The following ADGRL3 variants were observed in gnomAD, a reference collection of about 807,000 sequenced individuals.
The protein encoded by ADGRL3 is calcium-independent alpha-latrotoxin receptor 3.
ADGRL3 carries 62 observed loss-of-function variants against 153.5 expected under a neutral mutation model. The ratio of observed to expected loss-of-function variants is 0.40; its 90% CI spans 0.33 to 0.50. ADGRL3 has a LOEUF of 0.50. Among genes scored for constraint, ADGRL3 ranks in the 20% least tolerant of loss-of-function variants. ADGRL3 has a pLI of 0.47. For synonymous variants in ADGRL3, 710 were observed against 672.5 expected, an observed-to-expected ratio of 1.06 and a Z score of -0.86; for missense variants, 1,641 against 1,859.4, an observed-to-expected ratio of 0.88 and a Z score of 2.16.
rs529553127 is a variant in ADGRL3, at chr4:61,299,230, A to T, written c.-239-83894A>T. Among the ~76,000 whole-genome samples the T allele has an allele frequency of 5.3e-5, 8 of 152,168 alleles. No homozygotes were observed. The South Asian group carries it at 1.5e-3, about 28-fold the overall frequency. On this transcript the variant is annotated intron_variant, in intron 1 of 26. Transcript: ENST00000683033. ...TCAGAACATTGAAATAACACTTCAC[A>T]TATCACAAGCAAAGCATAAGTACAA...
chr4:61,617,391 C>T (rs1219964272), intron 5 of ADGRL3, among the ~76,000 whole-genome samples: 2 of 152,048 alleles, frequency 1.3e-5, no homozygotes, highest in Admixed American at 1.3e-4. Flanking sequence ...CTTCACTGTA[C>T]CTTTTTTGCA....
At chr4:61,208,742 A>G (rs548823786) in intron 1 of ADGRL3, among the ~76,000 whole-genome samples, 19 of 152,250 alleles carry the variant, frequency 1.2e-4, no homozygotes, top group African/African-American at 3.9e-4. Context: ...CTAGATTTCA[A>G]AGACCCCAAT....
intron 2 of ADGRL3, among the ~76,000 whole-genome samples, chr4:61,424,392 C>T (rs1025960616): frequency 3.3e-5 from 5 of 152,086 alleles, no homozygotes; most frequent in Admixed American, 6.5e-5. Flanking sequence ...CTTGCCCACA[C>T]GGTGGCACCC....
chr4:61,901,441 T>C (rs1289597591), intron 11 of ADGRL3, among the ~76,000 whole-genome samples: 1 of 152,230 alleles, frequency 6.6e-6, no homozygotes, highest in African/African-American at 2.4e-5. Context: ...AAATTCCCCA[T>C]TTTATCTTCC....
At chr4:62,012,322 G>T (rs1158005577) in intron 21 of ADGRL3, among the ~76,000 whole-genome samples, 1 of 152,108 alleles carries the variant, frequency 6.6e-6, no homozygotes, top group Non-Finnish European at 1.5e-5. Flanking sequence ...ACATCAACTT[G>T]AATTTTAAAT....
At chr4:61,932,558 G>A (rs1351568897) in intron 13 of ADGRL3, among the ~76,000 whole-genome samples, 1 of 152,042 alleles carries the variant, frequency 6.6e-6, no homozygotes, top group African/African-American at 2.4e-5. Context: ...TTTCTTAAAT[G>A]CTGTTGGATT....
At chr4:62,007,456 ACATATATGTGTGTG>A (rs2099165422) in intron 21 of ADGRL3, among the ~76,000 whole-genome samples, 1 of 132,764 alleles carries the variant, frequency 7.5e-6, no homozygotes, top group African/African-American at 3.0e-5. Context: ...ACATATATAT[ACATATATGTGTGTG>A]TATATATATA....
At chr4:61,418,433 CAAT>C (rs2097168457) in intron 2 of ADGRL3, among the ~76,000 whole-genome samples, 3 of 142,812 alleles carry the variant, frequency 2.1e-5, no homozygotes, top group East Asian at 3.1e-4. Flanking sequence ...TTTGTCTTCA[CAAT>C]GGCAGCAAAT....
At position 61,732,680 on chromosome 4, in the gene ADGRL3, G is replaced by A. The variant is rs1054391449; in HGVS notation, c.599-74G>A. The A allele has an allele frequency of 1.0e-5, 8 of 768,478 alleles. No individual in the cohort carries two copies. In the Admixed American group the frequency reaches 1.4e-4, roughly 13 times the overall value. 47.6% of individuals were successfully genotyped at this position (768,478 alleles called of 1,614,324 possible). A position where few individuals can be genotyped will look rare whatever the true frequency, so the allele number is the denominator to read the frequency against. ...CTCTTGTTAGAGTTGCATTCCATTT[G>A]GTGAAAAATAAGACTATATAACAAA... is the stretch of plus-strand genomic sequence containing the variant. On this transcript the variant is annotated intron_variant, in intron 7 of 26. Transcript: ENST00000683033.
intron 4 of ADGRL3, among the ~76,000 whole-genome samples, chr4:61,571,762 T>C (rs1042236396): frequency 1.3e-5 from 2 of 152,342 alleles, no homozygotes; most frequent in African/African-American, 2.4e-5. Context: ...CCTAGCACTG[T>C]GCTTGATAAT....
At chr4:62,013,899 T>C (rs554481452) in intron 21 of ADGRL3, among the ~76,000 whole-genome samples, 1 of 55,964 alleles carries the variant, frequency 1.8e-5, no homozygotes, top group African/African-American at 3.9e-5. Context: ...AAAAAAAAAA[T>C]TTTTTTTTTG....
chr4:61,236,008 CT>C (rs55932029), intron 1 of ADGRL3, among the ~76,000 whole-genome samples: 3 of 95,904 alleles, frequency 3.1e-5, no homozygotes, highest in African/African-American at 1.2e-4. Flanking sequence ...CTTTTCTTTT[CT>C]TTTTTTTTTT....
chr4:61,480,323 C>T (rs891622787), intron 2 of ADGRL3, among the ~76,000 whole-genome samples: 3 of 152,110 alleles, frequency 2.0e-5, no homozygotes, highest in Non-Finnish European at 4.4e-5. Context: ...TAGCACAATG[C>T]CATCCAGGTT....
At chr4:61,987,057 C>A (rs185709070) in intron 19 of ADGRL3, among the ~76,000 whole-genome samples, 1 of 151,876 alleles carries the variant, frequency 6.6e-6, no homozygotes, top group African/African-American at 2.4e-5. Context: ...GTCTTGTTTC[C>A]TATCGTCGAG....
At chr4:61,271,244 TAAGGCCTTGCTCTTCAAGACTTGACAG>T (rs1245508235) in intron 1 of ADGRL3, among the ~76,000 whole-genome samples, 2 of 151,892 alleles carry the variant, frequency 1.3e-5, no homozygotes, top group African/African-American at 4.8e-5. Context: ...ATTGAATGTC[TAAGGCCTTGCTCTTCAAGACTTGACAG>T]AAATGACTGT....
At chr4:61,738,620 GT>G (rs2151889838) in intron 8 of ADGRL3, among the ~76,000 whole-genome samples, 1 of 152,220 alleles carries the variant, frequency 6.6e-6, no homozygotes, top group Admixed American at 6.5e-5. Context: ...TCTAAAAGTG[GT>G]TTCAGGAGTT....
chr4:61,990,254 T>C (rs1021610883), intron 19 of ADGRL3, among the ~76,000 whole-genome samples: 3 of 152,018 alleles, frequency 2.0e-5, no homozygotes, highest in Non-Finnish European at 4.4e-5. Context: ...ACTTTAAAAT[T>C]ATTATGTTAA....
intron 14 of ADGRL3, among the ~76,000 whole-genome samples, chr4:61,935,613 TATTTA>T (rs1468212367): frequency 6.6e-6 from 1 of 152,142 alleles, no homozygotes; most frequent in East Asian, 1.9e-4. Flanking sequence ...AAAGGATTTT[TATTTA>T]ATTTATAAAA....
intron 11 of ADGRL3, among the ~76,000 whole-genome samples, chr4:61,904,046 G>T (rs1368319101): frequency 1.3e-5 from 2 of 151,716 alleles, no homozygotes; most frequent in Non-Finnish European, 2.9e-5. Context: ...TGGGATTACA[G>T]ATGTGAGCCA....
Sources: allele counts gnomAD v4.1 joint callset (sites outside exome capture counted in the v4.1 genomes callset), GRCh38; gene constraint gnomAD v4.1.1; transcripts MANE v1.5; gene names NCBI Gene and HGNC (gene_info 2026-07-23, HGNC 2026-07-21).